The following FSD2 variants were observed in gnomAD, a reference collection of about 807,000 sequenced individuals.
FSD2 encodes the protein fibronectin type III and SPRY domain-containing protein 2.
A neutral mutation model predicts 80.4 loss-of-function variants in FSD2; 71 were observed. That is an observed-to-expected ratio of 0.88 (90% CI 0.73 to 1.08). The LOEUF (loss-of-function observed/expected upper bound fraction) is 1.08, where lower values mean the gene tolerates loss of function less well. Among genes scored for constraint, FSD2 ranks in the 50% least tolerant of loss-of-function variants. The pLI is 0.00. For synonymous variants in FSD2, 361 were observed against 329.5 expected (o/e 1.10, Z -1.03); for missense variants, 923 against 913.8 (o/e 1.01, Z -0.13).
intron 9 of FSD2, among the ~76,000 whole-genome samples, chr15:82,768,454 A>G (rs906288675): frequency 6.6e-6 from 1 of 152,140 alleles, no homozygotes; most frequent in Non-Finnish European, 1.5e-5. Context: ...CTAGCACTGT[A>G]TATTTTACAC....
At chr15:82,771,303 A>T (rs563086299) in intron 7 of FSD2, among the ~76,000 whole-genome samples, 1 of 152,240 alleles carries the variant, frequency 6.6e-6, no homozygotes, top group South Asian at 2.1e-4. Flanking sequence ...TAAAATGGAG[A>T]TCTCTAAGTC....
rs1286867230 is a variant in FSD2 at position 82,786,790 on chromosome 15, C to T, written c.601G>A (p.Glu201Lys). ...AGTGCTTCATTGAGTGGGATCACTT[C>T]ATGCTCCTTATGTTCATCAAAAACC... ...QKVFDEHKEH[E>K]VIPLNEALES... Residue 201 changes from glutamate to lysine, a missense_variant, in exon 2 of 13, where the codon GAA becomes AAA. Physicochemically the swap from Glu to Lys is moderately conservative, Grantham distance 56. Transcript: ENST00000334574. 1.2e-6 allele frequency: 2 copies of T among 1,613,916 alleles called. No individual in the cohort carries two copies. Among genetic ancestry groups the T allele is most frequent in the Non-Finnish European group, 1.7e-6 (2 of 1,179,898 alleles).
In FSD2 at chr15:82,757,416, C is replaced by T. The variant is rs1210799519; in HGVS notation, c.*1932G>A. 1 of 145,742 alleles carries T rather than the reference C, an allele frequency of 6.9e-6. No individual in the cohort carries two copies. Among genetic ancestry groups the T allele is most frequent in the African/African-American group, 2.6e-5 (1 of 38,492 alleles). 9.0% of individuals were successfully genotyped at this position (145,742 alleles called of 1,614,324 possible). ...GAGCCATCTCGGCTCACTGCAAGCT[C>T]CACCTCCCGGGTTCACGCCATTCTC... is the stretch of plus-strand genomic sequence containing the variant. On this transcript the variant is annotated 3_prime_UTR_variant, in exon 13 of 13. Transcript: ENST00000334574.
intron 9 of FSD2, among the ~76,000 whole-genome samples, chr15:82,768,261 G>T (rs1596232886): frequency 6.6e-6 from 1 of 152,176 alleles, no homozygotes; most frequent in Non-Finnish European, 1.5e-5. Flanking sequence ...TCCTCCAGCA[G>T]CTCACTCCTG....
rs778106557 is a variant in FSD2 at position 82,769,016 on chromosome 15, TGGG to T, written c.1414_1416del (p.Pro472del). 1.3e-6 allele frequency: 2 copies of T among 1,587,022 alleles called. No homozygotes were observed. The highest frequency in any genetic ancestry group is 8.6e-7 in the Non-Finnish European group (1 of 1,168,804). ...CTCCTTATCTCTTTGGTTTTAATAA[TGGG>T]GGGAGAAGGTGCTAAATGTGGGAGA... On this transcript the variant is annotated inframe_deletion, in exon 9 of 13. Coordinates refer to ENST00000334574, the MANE Select transcript of FSD2 (RefSeq NM_001007122.4).
rs1349624324 is a variant in FSD2 at position 82,758,755 on chromosome 15, G to A, written c.*593C>T. 6.6e-6 allele frequency: 1 copy of A among 152,446 alleles called. No individual in the cohort carries two copies. The highest frequency in any genetic ancestry group is 1.5e-5 in the Non-Finnish European group (1 of 68,298). The allele number at this position is 152,446 out of a possible 1,614,324, so 9.4% of individuals were successfully genotyped here. The stretch of plus-strand genomic sequence containing the variant: ...CCTTCATGGAATTAGGCATTATAGA[G>A]GTAATTTCAAAATTAGAGAGTGGTG... On this transcript the variant is annotated 3_prime_UTR_variant, in exon 13 of 13. Coordinates refer to ENST00000334574, the MANE Select transcript of FSD2 (RefSeq NM_001007122.4).
chr15:82,789,173 T>A (rs2050079228), intron 1 of FSD2, among the ~76,000 whole-genome samples: 1 of 152,054 alleles, frequency 6.6e-6, no homozygotes, highest in Admixed American at 6.6e-5. Context: ...GGAGAAGGGC[T>A]AAGTAAACTC....
Position 82,787,418 on chromosome 15 carries a change from C to A in FSD2, c.-28G>T. 2 of 1,557,556 alleles carry A rather than the reference C, an allele frequency of 1.3e-6. No homozygotes were observed. Among genetic ancestry groups the A allele is most frequent in the Non-Finnish European group, 1.7e-6 (2 of 1,154,458 alleles). ...TAACTCTGGAAGTCCTCAGAAGCAC[C>A]TTTATATAAGAAAGATCCTTCCTGG... On this transcript the variant is annotated 5_prime_UTR_variant, in exon 2 of 13. In the 5' UTR this introduces an upstream ATG that the reference lacks. Coordinates refer to ENST00000334574, the MANE Select transcript of FSD2 (RefSeq NM_001007122.4).
chr15:82,769,610 G>A, intron 8 of FSD2, 140 bp downstream of exon 8: 1 of 998,810 alleles, frequency 1.0e-6, no homozygotes, highest in Non-Finnish European at 1.4e-6. Flanking sequence ...TAGATTTTGT[G>A]TGTTAAATAA....
intron 6 of FSD2, among the ~76,000 whole-genome samples, chr15:82,774,543 G>C (rs2049666269): frequency 6.6e-6 from 1 of 152,154 alleles, no homozygotes; most frequent in African/African-American, 2.4e-5. Flanking sequence ...ACACTGCTAG[G>C]AAGTGGCAGA....
In FSD2 at chr15:82,778,880, T is replaced by TC; in HGVS notation, c.996dup (p.Lys333GlufsTer16). Reference sequence around the variant, plus strand: ...ACGTCTGTTTTTGTTTTCAGGAATTTCCCGAGTCTGTTGGTATAAAAAGAC... The same window carrying TC: ...ACGTCTGTTTTTGTTTTCAGGAATTTCCCCGAGTCTGTTGGTATAAAAAGAC... On this transcript the variant is annotated frameshift_variant, in exon 6 of 13. Coordinates refer to ENST00000334574, the MANE Select transcript of FSD2 (RefSeq NM_001007122.4). LOFTEE classifies it high-confidence loss of function. The TC allele has an allele frequency of 6.2e-7, 1 of 1,613,960 alleles. No homozygotes were observed. The highest frequency in any genetic ancestry group is 2.2e-5 in the East Asian group (1 of 44,874).
At chr15:82,790,615 G>T (rs572719314) in intron 1 of FSD2, among the ~76,000 whole-genome samples, 18 of 151,180 alleles carry the variant, frequency 1.2e-4, no homozygotes, top group Non-Finnish European at 2.4e-4. Context: ...TCACTCTGTC[G>T]CCTAGGGTGG....
chr15:82,785,905 GA>G lies in FSD2; in HGVS notation c.735+605del, dbSNP rs1310146512. 3.3e-5 allele frequency among the ~76,000 whole-genome samples: 5 copies of G among 152,086 alleles called. No homozygotes were observed. The East Asian group carries it at 7.7e-4, about 23-fold the overall frequency. Reference sequence around the variant, plus strand: ...AGTAAGAACTTCTACCCCAAAAAAAGAGGTCCAAAACAAATAAACAAACCCA... The same window carrying G: ...AGTAAGAACTTCTACCCCAAAAAAAGGGTCCAAAACAAATAAACAAACCCA... On this transcript the variant is annotated intron_variant, in intron 3 of 12. Coordinates refer to ENST00000334574, the MANE Select transcript of FSD2 (RefSeq NM_001007122.4).
Position 82,769,002 on chromosome 15 carries a change from T to A in FSD2, c.1431A>T (p.Lys477Asn). 1 of 1,594,800 alleles carries A rather than the reference T, an allele frequency of 6.3e-7. No individual in the cohort carries two copies. Among genetic ancestry groups the A allele is most frequent in the South Asian group, 1.2e-5 (1 of 86,860 alleles). Reference sequence around the variant, plus strand: ...CAGCCTCTTCACAGCTCCTTATCTCTTTGGTTTTAATAATGGGGGGAGAAG... The same window carrying A: ...CAGCCTCTTCACAGCTCCTTATCTCATTGGTTTTAATAATGGGGGGAGAAG... Reference protein sequence around the residue: ...TAPSPPIIKTKEIRSCEEAVL... With the variant: ...TAPSPPIIKTNEIRSCEEAVL... Residue 477 changes from lysine (K) to asparagine (N), a missense_variant, in exon 9 of 13, where the codon AAA (lysine) becomes AAT (asparagine). Lys to Asn is a moderately conservative substitution (Grantham distance 94, BLOSUM62 0). Coordinates refer to ENST00000334574, the MANE Select transcript of FSD2 (RefSeq NM_001007122.4).
chr15:82,765,143 C>T (rs746798253), intron 11 of FSD2, 23 bp downstream of exon 11: 8 of 1,578,102 alleles, frequency 5.1e-6, no homozygotes, highest in Non-Finnish European at 6.9e-6. Context: ...ACAGAACGCC[C>T]TTGTGAGCGG....
intron 6 of FSD2, among the ~76,000 whole-genome samples, chr15:82,777,560 A>G (rs911499298): frequency 1.3e-5 from 2 of 152,174 alleles, no homozygotes; most frequent in Admixed American, 1.3e-4. Flanking sequence ...AAAAAGTGAA[A>G]GGAGGCCGAC....
At chr15:82,784,481 C>G (rs1002698452) in intron 3 of FSD2, among the ~76,000 whole-genome samples, 6 of 152,084 alleles carry the variant, frequency 3.9e-5, no homozygotes. Flanking sequence ...CTCCTGACCT[C>G]AAGTGATCTG....
intron 7 of FSD2, 59 bp downstream of exon 7, chr15:82,772,014 G>T (rs990026138): frequency 5.5e-6 from 8 of 1,456,868 alleles, no homozygotes; most frequent in Non-Finnish European, 7.2e-6. Flanking sequence ...CAGGGCCCAG[G>T]CCCCTGAGGG....
At chr15:82,799,880 G>A (rs538539646) in intron 1 of FSD2, among the ~76,000 whole-genome samples, 1 of 152,292 alleles carries the variant, frequency 6.6e-6, no homozygotes, top group Admixed American at 6.5e-5. Context: ...TAAGGTAGAA[G>A]ATGCCTGGAT....
Sources: allele counts gnomAD v4.1 joint callset (sites outside exome capture counted in the v4.1 genomes callset), GRCh38; gene constraint gnomAD v4.1.1; transcripts MANE v1.5; gene names NCBI Gene and HGNC (gene_info 2026-07-23, HGNC 2026-07-21).